Variants in TENM3 observed in about 807,000 individuals in gnomAD.
TENM3 encodes teneurin-3.
In TENM3, 63 loss-of-function variants were observed where a neutral mutation model predicts 255.1. That is an observed-to-expected ratio of 0.25 (90% CI 0.20 to 0.30). The LOEUF is 0.30. TENM3 is among the 10% of genes least tolerant of loss of function. The pLI, the probability that TENM3 is intolerant of heterozygous loss-of-function variation, is 1.00. For missense variants in TENM3, 2,929 were observed against 3,461.1 expected (o/e 0.85, Z 3.86); for synonymous variants, 1,306 against 1,322.3 (o/e 0.99, Z 0.27).
At chr4:181,983,944 A>T in the TENM3 span, among the ~76,000 whole-genome samples, 1 of 152,014 alleles carries the variant, frequency 6.6e-6, no homozygotes, top group Non-Finnish European at 1.5e-5. Context: ...TTGAAAAGAG[A>T]AGTAATTTTT....
intron 1 of TENM3, among the ~76,000 whole-genome samples, chr4:182,298,914 G>A (rs532705821): frequency 1.4e-5 from 2 of 140,900 alleles, no homozygotes; most frequent in South Asian, 2.3e-4. Context: ...AACCCAGGAG[G>A]CAGAGGTTGC....
At position 182,289,398 on chromosome 4, in the gene TENM3, C is replaced by T. The variant is rs1323100729; in HGVS notation, c.-75-34548C>T. On this transcript the variant is annotated intron_variant, in intron 1 of 27. Transcript: ENST00000511685. The stretch of plus-strand genomic sequence containing the variant: ...GCCCCCTCTGCTGGGTGTGCGAGGG[C>T]GGAGGGTGAGCAGTGCAGGGCCCTG... Among the ~76,000 whole-genome samples, 7 of 152,202 alleles carry T rather than the reference C, an allele frequency of 4.6e-5. No homozygotes were observed. In the East Asian group the frequency reaches 9.6e-4, roughly 21 times the overall value.
At chr4:182,651,570 G>A (rs568166615) in intron 5 of TENM3, among the ~76,000 whole-genome samples, 81 of 152,184 alleles carry the variant, frequency 5.3e-4, no homozygotes, top group African/African-American at 1.9e-3. Context: ...GGCGGCGTGC[G>A]CCTGTAGTCC....
At chr4:182,194,659 C>T (rs1406335135) in intron 1 of TENM3, among the ~76,000 whole-genome samples, 3 of 152,204 alleles carry the variant, frequency 2.0e-5, no homozygotes, top group Admixed American at 1.3e-4. Flanking sequence ...ACTAAATACT[C>T]TGCAATGGTA....
chr4:181,928,965 A>G, the TENM3 span, among the ~76,000 whole-genome samples: 3 of 152,230 alleles, frequency 2.0e-5, no homozygotes, highest in Non-Finnish European at 4.4e-5. Context: ...AATCCTTTAC[A>G]GACAAGCAAA....
intron 3 of TENM3, among the ~76,000 whole-genome samples, chr4:182,506,719 A>T (rs1736852868): frequency 6.6e-6 from 1 of 152,242 alleles, no homozygotes; most frequent in African/African-American, 2.4e-5. Flanking sequence ...TACATAAAAG[A>T]TTAAAGTGAA....
chr4:182,667,189 GT>G (rs1348446142), intron 6 of TENM3, among the ~76,000 whole-genome samples: 2 of 151,536 alleles, frequency 1.3e-5, no homozygotes, highest in African/African-American at 4.9e-5. Context: ...GTTTTGTTTT[GT>G]TTTGTTTTGT....
In TENM3 at chr4:182,660,553, G is replaced by A. The variant is rs1290117177; in HGVS notation, c.1111+6660G>A. ...TCAGTGATTGTTTGCTCTTCATTCTGCAATTCAAGATGATGCACTTGTAAT... is the reference window on the plus strand; with the variant it reads ...TCAGTGATTGTTTGCTCTTCATTCTACAATTCAAGATGATGCACTTGTAAT... On this transcript the variant is annotated intron_variant, in intron 6 of 27. Coordinates refer to ENST00000511685, the MANE Select transcript of TENM3 (RefSeq NM_001080477.4). 2.6e-5 allele frequency among the ~76,000 whole-genome samples: 4 copies of A among 152,160 alleles called. 1 individual carries two copies. Among genetic ancestry groups the A allele is most frequent in the Admixed American group, 2.6e-4 (4 of 15,278 alleles).
chr4:182,264,412 C>T lies in TENM3; in HGVS notation c.-76+20936C>T, dbSNP rs558511972. The stretch of plus-strand genomic sequence containing the variant: ...CATTTTAACCACGTGGCGGTACTTT[C>T]TCTTGGTCTCTGCCTTCCAGGGAAC... On this transcript the variant is annotated intron_variant, in intron 1 of 27. Transcript: ENST00000511685. Among the ~76,000 whole-genome samples, 6 of 152,334 alleles carry T rather than the reference C, an allele frequency of 3.9e-5. 1 individual carries two copies. In the South Asian group the frequency reaches 1.2e-3, roughly 32 times the overall value.
At chr4:181,598,261 C>G in the TENM3 span, among the ~76,000 whole-genome samples, 10 of 152,118 alleles carry the variant, frequency 6.6e-5, no homozygotes, top group Non-Finnish European at 1.2e-4. Flanking sequence ...ATTAATATCC[C>G]ATAGTATTTC....
the TENM3 span, among the ~76,000 whole-genome samples, chr4:181,586,579 C>A: frequency 6.6e-6 from 1 of 152,172 alleles, no homozygotes; most frequent in Non-Finnish European, 1.5e-5. Context: ...CGGTGGCTCA[C>A]ACCTGTAATC....
the TENM3 span, among the ~76,000 whole-genome samples, chr4:181,908,518 T>C: frequency 9.2e-5 from 14 of 152,198 alleles, no homozygotes; most frequent in Non-Finnish European, 5.9e-5. Context: ...ACAGCAATTT[T>C]CTGATGAATG....
At chr4:181,955,024 G>A in the TENM3 span, among the ~76,000 whole-genome samples, 9 of 152,188 alleles carry the variant, frequency 5.9e-5, no homozygotes, top group Admixed American at 3.3e-4. Flanking sequence ...GGCCACATAC[G>A]TATGGTTCTA....
At chr4:182,465,178 A>C (rs1732467378) in intron 3 of TENM3, among the ~76,000 whole-genome samples, 1 of 152,358 alleles carries the variant, frequency 6.6e-6, no homozygotes, top group African/African-American at 2.4e-5. Flanking sequence ...GCACAGTAAA[A>C]TAAATATTTG....
the TENM3 span, among the ~76,000 whole-genome samples, chr4:181,964,263 C>T: frequency 1.3e-5 from 2 of 151,984 alleles, no homozygotes; most frequent in Admixed American, 1.3e-4. Flanking sequence ...CAGGAAATGG[C>T]CAATCCCCCA....
chr4:181,665,857 A>G, the TENM3 span, among the ~76,000 whole-genome samples: 3 of 152,112 alleles, frequency 2.0e-5, no homozygotes. Context: ...AATTTCGTAT[A>G]TATCTAAAAA....
intron 2 of TENM3, among the ~76,000 whole-genome samples, chr4:182,338,673 G>A (rs541999572): frequency 1.3e-5 from 2 of 152,162 alleles, no homozygotes; most frequent in African/African-American, 2.4e-5. Flanking sequence ...AATAGTGTCA[G>A]TAACTCCTTT....
chr4:182,432,849 G>GTGTGTGTGTGT lies in TENM3; in HGVS notation c.511+85920_511+85921insTGTGTGTGTGT, dbSNP rs1554066038. 1.0e-4 allele frequency among the ~76,000 whole-genome samples: 15 copies of GTGTGTGTGTGT among 143,078 alleles called. 1 individual carries two copies. Among genetic ancestry groups the GTGTGTGTGTGT allele is most frequent in the East Asian group, 8.3e-4 (4 of 4,846 alleles). The allele number at this position is 143,078 out of a possible 152,430, so 93.9% of individuals were successfully genotyped here. On this transcript the variant is annotated intron_variant, in intron 3 of 27. Transcript: ENST00000511685. ...AATTTTTCATCAGGGAATGGATTTG[G>GTGTGTGTGTGT]GTGTGTGTGTGTGTGTTTTAGTAGA...
At chr4:181,998,953 G>A in the TENM3 span, among the ~76,000 whole-genome samples, 2 of 152,090 alleles carry the variant, frequency 1.3e-5, no homozygotes, top group South Asian at 2.1e-4. Flanking sequence ...ATGTAAAATG[G>A]TCAAAATAAA....
Sources: allele counts gnomAD v4.1 joint callset (sites outside exome capture counted in the v4.1 genomes callset), GRCh38; gene constraint gnomAD v4.1.1; transcripts MANE v1.5; gene names NCBI Gene and HGNC (gene_info 2026-07-23, HGNC 2026-07-21).